ERBB4: variants seen among roughly 807,000 people sequenced by gnomAD.
ERBB4 encodes the protein erb-b2 receptor tyrosine kinase 4, also known as receptor tyrosine-protein kinase erbB-4.
In ERBB4, 42 loss-of-function variants were observed where a neutral mutation model predicts 158.0. That is an observed-to-expected ratio of 0.27 (90% CI 0.21 to 0.34). ERBB4 has a LOEUF of 0.34. Ranked by LOEUF, ERBB4 falls within the 10% of genes least tolerant of loss-of-function variation. The pLI is 1.00. For missense variants in ERBB4, 1,333 were observed against 1,624.1 expected (o/e 0.82, Z 3.08); for synonymous variants, 583 against 558.7 (o/e 1.04, Z -0.61).
chr2:211,729,537 A>G (rs953415438), intron 5 of ERBB4, among the ~76,000 whole-genome samples: 3 of 151,832 alleles, frequency 2.0e-5, no homozygotes, highest in Admixed American at 1.3e-4. Flanking sequence ...GAGACTTGTA[A>G]CAAGAAAGAA....
intron 19 of ERBB4, among the ~76,000 whole-genome samples, chr2:211,580,023 G>A (rs2068019507): frequency 6.6e-6 from 1 of 152,116 alleles, no homozygotes; most frequent in South Asian, 2.1e-4. Flanking sequence ...CAAACTGGGG[G>A]ACTAAACCAG....
chr2:212,359,787 A>G (rs1467754408), intron 1 of ERBB4, among the ~76,000 whole-genome samples: 1 of 151,818 alleles, frequency 6.6e-6, no homozygotes, highest in Non-Finnish European at 1.5e-5. Flanking sequence ...CAAATGCTAA[A>G]CCAGAAAATA....
At chr2:211,923,977 C>T (rs921212707) in intron 3 of ERBB4, among the ~76,000 whole-genome samples, 54 of 152,142 alleles carry the variant, frequency 3.5e-4, no homozygotes, top group Middle Eastern at 3.2e-3. Context: ...TCACCTCGGC[C>T]TCCCAAAGTG....
chr2:212,033,850 G>T (rs138244654), intron 2 of ERBB4, among the ~76,000 whole-genome samples: 1 of 151,936 alleles, frequency 6.6e-6, no homozygotes, highest in Non-Finnish European at 1.5e-5. Context: ...GTAAAATAGA[G>T]ATATTAATAC....
At chr2:211,481,415 G>C (rs1298489509) in intron 20 of ERBB4, among the ~76,000 whole-genome samples, 1 of 152,068 alleles carries the variant, frequency 6.6e-6, no homozygotes, top group Non-Finnish European at 1.5e-5. Context: ...TCTAAAGGCA[G>C]GGTAAAGTTA....
intron 20 of ERBB4, among the ~76,000 whole-genome samples, chr2:211,438,065 A>G (rs946039509): frequency 6.6e-6 from 1 of 152,208 alleles, no homozygotes; most frequent in Non-Finnish European, 1.5e-5. Context: ...AAGCTGGTTC[A>G]TGGCAGAATA....
intron 16 of ERBB4, among the ~76,000 whole-genome samples, chr2:211,634,749 C>T (rs1202935749): frequency 6.6e-6 from 1 of 152,106 alleles, no homozygotes; most frequent in Admixed American, 6.5e-5. Context: ...GTGATCTTGG[C>T]TCACAGCAAC....
chr2:211,830,512 CTA>C (rs749646927), intron 3 of ERBB4, among the ~76,000 whole-genome samples: 2 of 151,910 alleles, frequency 1.3e-5, no homozygotes, highest in Admixed American at 6.6e-5. Flanking sequence ...TTGTTTATTT[CTA>C]TGTTTGATCT....
At chr2:212,030,695 T>G (rs192602478) in intron 2 of ERBB4, among the ~76,000 whole-genome samples, 7 of 152,222 alleles carry the variant, frequency 4.6e-5, no homozygotes, top group Admixed American at 4.6e-4. Context: ...TCAAAGTTAT[T>G]TAGCACAATG....
chr2:211,484,138 C>T (rs1197304877), intron 20 of ERBB4, among the ~76,000 whole-genome samples: 2 of 151,948 alleles, frequency 1.3e-5, no homozygotes, highest in Admixed American at 6.6e-5. Context: ...ACCCTAAAGA[C>T]ACCATTAAAA....
intron 22 of ERBB4, among the ~76,000 whole-genome samples, chr2:211,426,470 T>C (rs575884725): frequency 1.3e-5 from 2 of 152,300 alleles, no homozygotes; most frequent in South Asian, 4.1e-4. Context: ...GCCTTATGAA[T>C]ATGGGTTGAT....
intron 3 of ERBB4, among the ~76,000 whole-genome samples, chr2:211,904,919 T>G (rs548937923): frequency 6.6e-6 from 1 of 152,198 alleles, no homozygotes; most frequent in East Asian, 1.9e-4. Context: ...TTGAAAAGAT[T>G]CTCACAGATA....
At chr2:212,288,330 G>T (rs2086076053) in intron 1 of ERBB4, among the ~76,000 whole-genome samples, 1 of 152,142 alleles carries the variant, frequency 6.6e-6, no homozygotes. Flanking sequence ...TTCAAGGAGA[G>T]AAAATATTAC....
intron 1 of ERBB4, among the ~76,000 whole-genome samples, chr2:212,313,949 C>T (rs1441561037): frequency 6.6e-6 from 1 of 150,908 alleles, no homozygotes; most frequent in Non-Finnish European, 1.5e-5. Context: ...ATTATCTCCC[C>T]TTCATCCCAC....
intron 3 of ERBB4, among the ~76,000 whole-genome samples, chr2:211,868,124 T>G (rs1478909233): frequency 6.6e-6 from 1 of 152,198 alleles, no homozygotes; most frequent in Non-Finnish European, 1.5e-5. Flanking sequence ...AGATTTTAAG[T>G]CAGATTTCTT....
intron 3 of ERBB4, among the ~76,000 whole-genome samples, chr2:211,830,711 T>C (rs1248285543): frequency 6.6e-6 from 1 of 152,128 alleles, no homozygotes; most frequent in African/African-American, 2.4e-5. Context: ...TAAAAATGTA[T>C]GTTTAAGTAG....
chr2:211,791,151 T>C (rs2076271568), intron 3 of ERBB4, among the ~76,000 whole-genome samples: 1 of 151,938 alleles, frequency 6.6e-6, no homozygotes, highest in Non-Finnish European at 1.5e-5. Flanking sequence ...ATTATTTACT[T>C]GTTAGAAGGA....
At chr2:211,659,440 T>C (rs2071339001) in intron 15 of ERBB4, among the ~76,000 whole-genome samples, 1 of 152,080 alleles carries the variant, frequency 6.6e-6, no homozygotes, top group South Asian at 2.1e-4. Flanking sequence ...CCAATTTGTC[T>C]TATATAGTTT....
intron 19 of ERBB4, among the ~76,000 whole-genome samples, chr2:211,596,907 C>A (rs558876329): frequency 6.6e-6 from 1 of 151,986 alleles, no homozygotes; most frequent in African/African-American, 2.4e-5. Flanking sequence ...TGGAATTACA[C>A]GTGCCTGCCA....
Sources: allele counts gnomAD v4.1 joint callset (sites outside exome capture counted in the v4.1 genomes callset), GRCh38; gene constraint gnomAD v4.1.1; transcripts MANE v1.5; gene names NCBI Gene and HGNC (gene_info 2026-07-23, HGNC 2026-07-21).